ITGA8: variants seen among roughly 807,000 people sequenced by gnomAD.
ITGA8 encodes integrin alpha-8.
Under a neutral mutation model 142.3 loss-of-function variants are expected in ITGA8, and 91 were observed. The ratio of observed to expected loss-of-function variants is 0.64; its 90% CI spans 0.54 to 0.76. The LOEUF is 0.76. Among genes scored for constraint, ITGA8 ranks in the 30% least tolerant of loss-of-function variants. The pLI is 0.00. For missense variants in ITGA8, 1,406 were observed against 1,327.7 expected (o/e 1.06, Z -0.92); for synonymous variants, 505 against 485.2 (o/e 1.04, Z -0.54).
intron 10 of ITGA8, among the ~76,000 whole-genome samples, chr10:15,656,842 C>G (rs1443821328): frequency 1.3e-5 from 2 of 152,184 alleles, no homozygotes; most frequent in Admixed American, 6.5e-5. Flanking sequence ...ATTTAATGAA[C>G]ATGCAATCCC....
At chr10:15,626,600 G>T (rs901931396) in intron 13 of ITGA8, among the ~76,000 whole-genome samples, 1 of 151,944 alleles carries the variant, frequency 6.6e-6, no homozygotes, top group Non-Finnish European at 1.5e-5. Flanking sequence ...TTCCCTTGTC[G>T]TGAAACAATG....
intron 2 of ITGA8, among the ~76,000 whole-genome samples, chr10:15,712,129 T>C (rs957863143): frequency 2.0e-5 from 3 of 152,256 alleles, no homozygotes; most frequent in Non-Finnish European, 4.4e-5. Flanking sequence ...ACACCTTGCT[T>C]TATGCAATAA....
chr10:15,537,642 A>G (rs747726113), intron 27 of ITGA8, among the ~76,000 whole-genome samples: 1 of 152,150 alleles, frequency 6.6e-6, no homozygotes, highest in African/African-American at 2.4e-5. Flanking sequence ...GTGGGCTAAA[A>G]TAGTAACTTT....
intron 26 of ITGA8, among the ~76,000 whole-genome samples, chr10:15,553,017 G>A (rs1466655149): frequency 6.6e-6 from 1 of 152,178 alleles, no homozygotes; most frequent in Non-Finnish European, 1.5e-5. Context: ...AGCACTTTGG[G>A]AGGACGAGGT....
intron 2 of ITGA8, among the ~76,000 whole-genome samples, chr10:15,689,078 T>C (rs983940425): frequency 1.3e-5 from 2 of 152,190 alleles, no homozygotes; most frequent in African/African-American, 4.8e-5. Context: ...CATAGTCTTA[T>C]ATATAGAATG....
intron 12 of ITGA8, 29 bp from the exon 13 acceptor site, chr10:15,644,250 G>A (rs753526323): frequency 3.1e-6 from 5 of 1,589,776 alleles, no homozygotes; most frequent in East Asian, 2.2e-5. Flanking sequence ...CATGTTTTAT[G>A]TGTATATGTA....
At chr10:15,646,650 G>A (rs562794146) in intron 12 of ITGA8, among the ~76,000 whole-genome samples, 196 bp downstream of exon 12, 5 of 152,152 alleles carry the variant, frequency 3.3e-5, no homozygotes, top group Admixed American at 2.6e-4. Context: ...AGGTGAGAAG[G>A]GAAATTTCCA....
chr10:15,656,353 T>G (rs764901013), intron 10 of ITGA8, among the ~76,000 whole-genome samples: 1 of 151,948 alleles, frequency 6.6e-6, no homozygotes, highest in Non-Finnish European at 1.5e-5. Flanking sequence ...GTCTCCCCAC[T>G]TTTTTATTTA....
chr10:15,535,865 C>T (rs1171291668), intron 27 of ITGA8, among the ~76,000 whole-genome samples: 2 of 152,120 alleles, frequency 1.3e-5, no homozygotes, highest in African/African-American at 4.8e-5. Flanking sequence ...CTCTTTGGGT[C>T]CACGCTGCCT....
chr10:15,526,069 G>T (rs1226789786), intron 28 of ITGA8, among the ~76,000 whole-genome samples: 2 of 152,094 alleles, frequency 1.3e-5, no homozygotes, highest in Non-Finnish European at 2.9e-5. Context: ...AAGTTCTTCA[G>T]TTCCACTAGC....
At chr10:15,675,384 C>T (rs1834608289) in intron 6 of ITGA8, among the ~76,000 whole-genome samples, 1 of 152,160 alleles carries the variant, frequency 6.6e-6, no homozygotes. Context: ...CACTCCCTTA[C>T]CACCTTTCTT....
intron 8 of ITGA8, among the ~76,000 whole-genome samples, chr10:15,662,425 A>T (rs1834307222): frequency 1.4e-5 from 2 of 141,832 alleles, no homozygotes; most frequent in South Asian, 2.2e-4. Context: ...TGCAGCCTCA[A>T]CCTCCTGGGC....
At chr10:15,637,626 T>G (rs1588690337) in intron 13 of ITGA8, among the ~76,000 whole-genome samples, 1 of 151,540 alleles carries the variant, frequency 6.6e-6, no homozygotes, top group South Asian at 2.1e-4. Context: ...ATTCTCCCAC[T>G]TCAGACTCCC....
At chr10:15,554,485 C>CATCCACCCCTTGT (rs1833854077) in intron 26 of ITGA8, among the ~76,000 whole-genome samples, 2 of 152,176 alleles carry the variant, frequency 1.3e-5, no homozygotes, top group African/African-American at 4.8e-5. Flanking sequence ...CCACCCCTTG[C>CATCCACCCCTTGT]ATCATCCTTC....
At chr10:15,576,481 A>T (rs1375449133) in intron 23 of ITGA8, among the ~76,000 whole-genome samples, 1 of 152,222 alleles carries the variant, frequency 6.6e-6, no homozygotes, top group East Asian at 1.9e-4. Context: ...TTTTTAGGTA[A>T]AACATGTCTT....
rs34017814 is a variant in ITGA8 at position 15,663,575 on chromosome 10, CTT to C, written c.848-2655_848-2654del. On this transcript the variant is annotated intron_variant, in intron 8 of 29. Transcript: ENST00000378076. ...TTCTTGAGAGCTTTCCAACAAGACT[CTT>C]TTTTTTTTTGGACGAGATCTGAGTC... is the stretch of plus-strand genomic sequence containing the variant. 5.4e-5 allele frequency among the ~76,000 whole-genome samples: 8 copies of C among 147,794 alleles called. No homozygotes were observed. The East Asian group carries it at 6.0e-4, about 11-fold the overall frequency.
chr10:15,542,480 A>C (rs1833589337), intron 27 of ITGA8, among the ~76,000 whole-genome samples: 2 of 152,178 alleles, frequency 1.3e-5, no homozygotes, highest in Admixed American at 1.3e-4. Context: ...TCTTTATTGG[A>C]TTCTGAAATA....
intron 25 of ITGA8, among the ~76,000 whole-genome samples, chr10:15,559,223 G>A (rs769632499): frequency 2.2e-4 from 33 of 152,200 alleles, no homozygotes; most frequent in Non-Finnish European, 3.7e-4. Context: ...GGCCTTGGCC[G>A]GTTTCTCCAG....
chr10:15,526,538 T>G (rs1188228657), intron 28 of ITGA8, among the ~76,000 whole-genome samples: 2 of 152,148 alleles, frequency 1.3e-5, no homozygotes, highest in African/African-American at 4.8e-5. Context: ...TATTTAGGAC[T>G]AGAGGTTTAC....
Sources: allele counts gnomAD v4.1 joint callset (sites outside exome capture counted in the v4.1 genomes callset), GRCh38; gene constraint gnomAD v4.1.1; transcripts MANE v1.5; gene names NCBI Gene and HGNC (gene_info 2026-07-23, HGNC 2026-07-21).